ITGAV: variants seen among roughly 807,000 people sequenced by gnomAD.
The protein encoded by ITGAV is integrin alpha-V.
A neutral mutation model predicts 143.8 loss-of-function variants in ITGAV; 76 were observed. The ratio of observed to expected loss-of-function variants is 0.53; its 90% CI spans 0.44 to 0.64. ITGAV has a LOEUF of 0.64. Among genes scored for constraint, ITGAV ranks in the 30% least tolerant of loss-of-function variants. ITGAV has a pLI of 0.00. For missense variants in ITGAV, 1,193 were observed against 1,274.7 expected (o/e 0.94, Z 0.98); for synonymous variants, 453 against 446.7 (o/e 1.01, Z -0.18).
At chr2:186,658,031 C>T (rs1450053571) in intron 17 of ITGAV, among the ~76,000 whole-genome samples, 3 of 151,816 alleles carry the variant, frequency 2.0e-5, no homozygotes, top group African/African-American at 7.3e-5. Flanking sequence ...AGGATAGTAC[C>T]AGAAGGGAGA....
chr2:186,625,473 G>A lies in ITGAV; in HGVS notation c.409G>A (p.Ala137Thr). 1 of 1,605,748 alleles carries A rather than the reference G, an allele frequency of 6.2e-7. No homozygotes were observed. The highest frequency in any genetic ancestry group is 1.1e-5 in the South Asian group (1 of 90,638). Residue 137 changes from alanine (A) to threonine (T), a missense_variant and splice_region_variant, in exon 4 of 30, where the codon GCC (alanine) becomes ACC (threonine). Transcript: ENST00000261023. ...TCGTGGACTAAACCTTTGATTTTAG[G>A]CCTGTGCCCCATTGTACCATTGGAG... is the stretch of plus-strand genomic sequence containing the variant. ...SVRSKQDKIL[A>T]CAPLYHWRTE...
Position 186,619,126 on chromosome 2 carries a change from TA to T in ITGAV, c.317-3212del, listed in dbSNP as rs1456620201. Among the ~76,000 whole-genome samples, 7 of 149,350 alleles carry T rather than the reference TA, an allele frequency of 4.7e-5. No individual in the cohort carries two copies. The East Asian group carries it at 1.4e-3, about 29-fold the overall frequency. On this transcript the variant is annotated intron_variant, in intron 2 of 29. Transcript: ENST00000261023. ...ATAGTATATTTTATATATATATATA[TA>T]TTTAGTGTGTACATATATTCCTGTC...
At chr2:186,665,918 A>C (rs904077542) in intron 21 of ITGAV, among the ~76,000 whole-genome samples, 1 of 152,172 alleles carries the variant, frequency 6.6e-6, no homozygotes, top group Non-Finnish European at 1.5e-5. Context: ...GATGTATGGT[A>C]TCTTAGGGAT....
intron 1 of ITGAV, among the ~76,000 whole-genome samples, chr2:186,595,042 TTTTG>T (rs544627223): frequency 6.4e-4 from 98 of 152,344 alleles, no homozygotes; most frequent in Non-Finnish European, 1.1e-3. Flanking sequence ...TGACTGGCAT[TTTTG>T]TTTTTCTTTT....
At chr2:186,630,998 A>G in intron 5 of ITGAV, 140 bp downstream of exon 5, 2 of 531,488 alleles carry the variant, frequency 3.8e-6, no homozygotes, top group Non-Finnish European at 6.8e-6. Context: ...CGATCCATTC[A>G]TTTTGACATT....
intron 2 of ITGAV, among the ~76,000 whole-genome samples, chr2:186,605,505 A>G (rs1687034080): frequency 6.6e-6 from 1 of 151,988 alleles, no homozygotes; most frequent in Non-Finnish European, 1.5e-5. Context: ...TCCCAGTAAT[A>G]CTTACATTGT....
intron 7 of ITGAV, 145 bp downstream of exon 7, chr2:186,636,352 A>T: frequency 1.6e-6 from 1 of 635,300 alleles, no homozygotes; most frequent in Non-Finnish European, 2.6e-6. Flanking sequence ...TCAAATTGTT[A>T]ATGAGTACTT....
At chr2:186,633,000 G>C (rs75425877) in intron 5 of ITGAV, among the ~76,000 whole-genome samples, 4 of 146,562 alleles carry the variant, frequency 2.7e-5, no homozygotes, top group African/African-American at 5.0e-5. Flanking sequence ...TAGATAGATA[G>C]ATACATAGAC....
chr2:186,608,347 G>A (rs1687123748), intron 2 of ITGAV, among the ~76,000 whole-genome samples: 1 of 152,136 alleles, frequency 6.6e-6, no homozygotes, highest in Non-Finnish European at 1.5e-5. Flanking sequence ...AATATTCTAG[G>A]CTGGTTGCTG....
At chr2:186,675,182 C>T (rs1689174027) in intron 26 of ITGAV, among the ~76,000 whole-genome samples, 1 of 152,162 alleles carries the variant, frequency 6.6e-6, no homozygotes, top group Non-Finnish European at 1.5e-5. Flanking sequence ...TCTGTAGGCC[C>T]TCCATGGAAA....
intron 21 of ITGAV, among the ~76,000 whole-genome samples, 163 bp from the exon 22 acceptor site, chr2:186,666,541 A>G (rs1244334761): frequency 6.6e-6 from 1 of 152,246 alleles, no homozygotes; most frequent in Admixed American, 6.5e-5. Flanking sequence ...TATATTAAGT[A>G]AAATAGGTTT....
chr2:186,628,234 G>A (rs567853795), intron 4 of ITGAV, among the ~76,000 whole-genome samples: 1 of 152,216 alleles, frequency 6.6e-6, no homozygotes, highest in East Asian at 1.9e-4. Context: ...TGTCTGTTTT[G>A]TAAGACTACA....
At chr2:186,626,846 A>G (rs1687689699) in intron 4 of ITGAV, among the ~76,000 whole-genome samples, 1 of 152,170 alleles carries the variant, frequency 6.6e-6, no homozygotes, top group South Asian at 2.1e-4. Context: ...CTGTACTGCC[A>G]TCTTTATGTT....
chr2:186,598,353 C>G (rs1463664017), intron 1 of ITGAV, among the ~76,000 whole-genome samples: 2 of 151,022 alleles, frequency 1.3e-5, no homozygotes, highest in Admixed American at 6.6e-5. Flanking sequence ...TTAACCAACT[C>G]TGCTCTAGAA....
chr2:186,618,019 A>G (rs928908225), intron 2 of ITGAV, among the ~76,000 whole-genome samples: 5 of 152,174 alleles, frequency 3.3e-5, no homozygotes, highest in African/African-American at 7.2e-5. Context: ...TACTTCACTC[A>G]TGTGCCTCAG....
intron 4 of ITGAV, among the ~76,000 whole-genome samples, chr2:186,627,406 G>T (rs972495208): frequency 6.6e-6 from 1 of 152,266 alleles, no homozygotes; most frequent in Admixed American, 6.5e-5. Context: ...ATTAAGCACA[G>T]CTTTTCTACA....
chr2:186,654,583 T>C (rs1482904591), intron 15 of ITGAV, 67 bp from the exon 16 acceptor site: 1 of 736,302 alleles, frequency 1.4e-6, no homozygotes, highest in Non-Finnish European at 2.3e-6. Flanking sequence ...AGATGAGATG[T>C]GGGTGATAAT....
chr2:186,652,744 C>T (rs1226655584), intron 15 of ITGAV, among the ~76,000 whole-genome samples: 3 of 151,898 alleles, frequency 2.0e-5, no homozygotes, highest in Admixed American at 6.6e-5. Flanking sequence ...TATCTATGAA[C>T]AGTTGTATGA....
chr2:186,620,810 A>G (rs898417808), intron 2 of ITGAV, among the ~76,000 whole-genome samples: 1 of 152,208 alleles, frequency 6.6e-6, no homozygotes, highest in African/African-American at 2.4e-5. Context: ...ATGGCTGTAT[A>G]ATGGGATACT....
Sources: gnomAD v4.1 joint callset for allele counts (sites outside exome capture counted in the v4.1 genomes callset) on GRCh38, gnomAD v4.1.1 for gene constraint, MANE v1.5 for transcripts, NCBI Gene and HGNC (gene_info 2026-07-23, HGNC 2026-07-21) for gene names.